DOCK7: variants seen among roughly 807,000 people sequenced by gnomAD.
The protein encoded by DOCK7 is dedicator of cytokinesis 7.
A neutral mutation model predicts 271.0 loss-of-function variants in DOCK7; 138 were observed. The observed-to-expected ratio is 0.51, with a 90% CI of 0.44 to 0.59. The LOEUF (loss-of-function observed/expected upper bound fraction) is 0.59. DOCK7 is among the 20% of genes least tolerant of loss of function. DOCK7 has a pLI of 0.00. For synonymous variants in DOCK7, 823 were observed against 876.1 expected (o/e 0.94, Z 1.07); for missense variants, 2,066 against 2,592.4 (o/e 0.80, Z 4.41).
chr1:62,542,725 G>GCTA (rs776126525), intron 24 of DOCK7, 22 bp from the exon 25 acceptor site: 2 of 1,603,094 alleles, frequency 1.2e-6, no homozygotes, highest in Admixed American at 3.4e-5. Context: ...TAAATCCAAA[G>GCTA]TTATTATCAA....
intron 31 of DOCK7, among the ~76,000 whole-genome samples, chr1:62,522,520 T>C (rs1038222962): frequency 4.0e-5 from 6 of 151,844 alleles, no homozygotes; most frequent in Non-Finnish European, 8.8e-5. Flanking sequence ...CTTAGTAAAC[T>C]AGTAACAGAA....
intron 7 of DOCK7, among the ~76,000 whole-genome samples, chr1:62,644,349 A>C (rs1656379531): frequency 6.6e-6 from 1 of 152,160 alleles, no homozygotes; most frequent in Non-Finnish European, 1.5e-5. Context: ...TCCCTGCCAG[A>C]GCCGAAGTTG....
chr1:62,639,670 C>T (rs535287350), intron 7 of DOCK7, among the ~76,000 whole-genome samples: 1 of 151,806 alleles, frequency 6.6e-6, no homozygotes, highest in South Asian at 2.1e-4. Flanking sequence ...ACCTGGTGAT[C>T]CACCTGCCTC....
intron 48 of DOCK7, among the ~76,000 whole-genome samples, chr1:62,462,741 G>A (rs1645565995): frequency 6.6e-6 from 1 of 151,622 alleles, no homozygotes; most frequent in Admixed American, 6.6e-5. Flanking sequence ...TCCCTACCTT[G>A]AACCATACAC....
intron 37 of DOCK7, among the ~76,000 whole-genome samples, chr1:62,503,814 G>A (rs980957730): frequency 7.2e-5 from 11 of 152,048 alleles, no homozygotes; most frequent in East Asian, 3.9e-4. Context: ...TTGGGAGGCC[G>A]AGGCAGGCGG....
chr1:62,568,307 T>G (rs906403016), intron 18 of DOCK7, among the ~76,000 whole-genome samples: 4 of 146,912 alleles, frequency 2.7e-5, no homozygotes, highest in Non-Finnish European at 6.0e-5. Context: ...CTAGAAAGAT[T>G]TTTTTTTTTT....
chr1:62,683,373 GC>G (rs1473289308), intron 1 of DOCK7, among the ~76,000 whole-genome samples: 1 of 152,194 alleles, frequency 6.6e-6, no homozygotes, highest in Non-Finnish European at 1.5e-5. Flanking sequence ...GGGCCCATCT[GC>G]CCAGAGTTAA....
At chr1:62,486,195 C>T (rs959389082) in intron 43 of DOCK7, 1 of 152,006 alleles carries the variant, frequency 6.6e-6, no homozygotes, top group African/African-American at 2.4e-5. Flanking sequence ...AGTATTGATA[C>T]AGTCATATAC....
chr1:62,683,206 G>A (rs1194648262), intron 1 of DOCK7, among the ~76,000 whole-genome samples: 4 of 152,202 alleles, frequency 2.6e-5, no homozygotes, highest in African/African-American at 2.4e-5. Context: ...GGAGCAAGAA[G>A]CAGGTTAGAT....
intron 35 of DOCK7, 52 bp downstream of exon 35, chr1:62,507,910 A>C: frequency 6.5e-7 from 1 of 1,544,924 alleles, no homozygotes; most frequent in Non-Finnish European, 8.9e-7. Flanking sequence ...TTTTCCCTCC[A>C]ACCTCAATTT....
At chr1:62,625,763 A>G (rs1326440946) in intron 11 of DOCK7, among the ~76,000 whole-genome samples, 1 of 152,238 alleles carries the variant, frequency 6.6e-6, no homozygotes, top group African/African-American at 2.4e-5. Context: ...AGTTTGAAAG[A>G]GAATTGTAAG....
chr1:62,581,004 T>C (rs997773664), intron 16 of DOCK7, among the ~76,000 whole-genome samples: 1 of 152,158 alleles, frequency 6.6e-6, no homozygotes, highest in African/African-American at 2.4e-5. Flanking sequence ...TGCACTATAA[T>C]GGCATAGATG....
chr1:62,640,985 GC>G, intron 7 of DOCK7: 1 of 162,570 alleles, frequency 6.2e-6, no homozygotes, highest in Non-Finnish European at 1.3e-5. Context: ...TCTGTTCCTT[GC>G]CCCCAGCTTC....
In DOCK7 at chr1:62,601,876, A is replaced by G. The variant is rs985004442; in HGVS notation, c.1683-15252T>C. On this transcript the variant is annotated intron_variant, in intron 14 of 49. Transcript: ENST00000635253. ...AGTTTTTCATGTCTACTGTGATGTT[A>G]TATCAGGTAAAACCTGTCTAAGGAG... 26 of 1,601,792 alleles carry G rather than the reference A, an allele frequency of 1.6e-5. No homozygotes were observed. Among genetic ancestry groups the G allele is most frequent in the South Asian group, 2.2e-5 (2 of 90,822 alleles).
At chr1:62,479,750 C>T in intron 43 of DOCK7, 1 of 377,584 alleles carries the variant, frequency 2.6e-6, no homozygotes. Flanking sequence ...GTGGTGCAAC[C>T]ACAGCTCACT....
At chr1:62,589,587 G>A (rs1261004022) in intron 14 of DOCK7, among the ~76,000 whole-genome samples, 6 of 150,522 alleles carry the variant, frequency 4.0e-5, no homozygotes, top group Non-Finnish European at 8.9e-5. Flanking sequence ...ACTGTTTCTA[G>A]ACAATTTAAG....
At chr1:62,523,856 G>A (rs1644922347) in intron 31 of DOCK7, among the ~76,000 whole-genome samples, 1 of 152,056 alleles carries the variant, frequency 6.6e-6, no homozygotes, top group Non-Finnish European at 1.5e-5. Context: ...GACAGAGCAA[G>A]ACTCTGTCTC....
At position 62,543,786 on chromosome 1, in the gene DOCK7, G is replaced by A. The variant is rs191606100; in HGVS notation, c.2860-41C>T. The A allele has an allele frequency of 1.5e-4, 210 of 1,437,152 alleles. 3 individuals carry two copies. In the African/African-American group the frequency reaches 2.4e-3, roughly 16 times the overall value. 89.0% of individuals were successfully genotyped at this position (1,437,152 alleles called of 1,614,324 possible). On this transcript the variant is annotated intron_variant, in intron 23 of 49. Transcript: ENST00000635253. Reference sequence around the variant, plus strand: ...GAATGAATGACGAGATAACATTAACGTTTGCAGTGGATGACTTTGCAGCTG... The same window carrying A: ...GAATGAATGACGAGATAACATTAACATTTGCAGTGGATGACTTTGCAGCTG...
At chr1:62,496,314 T>C (rs1646620954) in intron 38 of DOCK7, 25 bp downstream of exon 38, 6 of 1,605,262 alleles carry the variant, frequency 3.7e-6, no homozygotes, top group Non-Finnish European at 5.1e-6. Flanking sequence ...TTTCAATTAA[T>C]GATCTAGAAA....
Sources: gnomAD v4.1 joint callset for allele counts (sites outside exome capture counted in the v4.1 genomes callset) on GRCh38, gnomAD v4.1.1 for gene constraint, MANE v1.5 for transcripts, NCBI Gene and HGNC (gene_info 2026-07-23, HGNC 2026-07-21) for gene names.